ZNF454: variants seen among roughly 807,000 people sequenced by gnomAD.
ZNF454 encodes zinc finger protein 454.
In ZNF454, 30 loss-of-function variants were observed where a neutral mutation model predicts 48.2. The observed-to-expected ratio is 0.62, with a 90% CI of 0.47 to 0.84. The LOEUF is 0.84. ZNF454 is among the 40% of genes least tolerant of loss of function. ZNF454 has a pLI of 0.00. For missense variants in ZNF454, 510 were observed against 623.1 expected (o/e 0.82, Z 1.93); for synonymous variants, 204 against 211.4 (o/e 0.97, Z 0.30).
chr5:178,959,443 C>T lies in ZNF454; in HGVS notation c.251-5212C>T, dbSNP rs377306804. On this transcript the variant is annotated intron_variant, in intron 4 of 4. Transcript: ENST00000519564. ...TTATAATAAGCCTTACACTTGCTGA[C>T]GTAAATTCTCCAGTTTTGTCCTCTT... is the stretch of plus-strand genomic sequence containing the variant. Among the ~76,000 whole-genome samples, 12 of 152,286 alleles carry T rather than the reference C, an allele frequency of 7.9e-5. No individual in the cohort carries two copies. In the East Asian group the frequency reaches 1.4e-3, roughly 17 times the overall value.
At chr5:178,983,254 C>T in the ZNF454 span, 13 of 1,580,936 alleles carry the variant, frequency 8.2e-6, no homozygotes, top group East Asian at 2.2e-5. Context: ...AGACACAGCA[C>T]TTTCCAGGGA....
In ZNF454 at chr5:178,944,115, T is replaced by C. The variant is rs1161902706; in HGVS notation, c.33+1291T>C. The stretch of plus-strand genomic sequence containing the variant: ...ATACATTCTGATACATTTGGTTAAA[T>C]TGTTCTAATTCCTTCACATTTAAAC... On this transcript the variant is annotated intron_variant, in intron 2 of 4. Coordinates refer to ENST00000519564, the MANE Select transcript of ZNF454 (RefSeq NM_001178089.3). The surrounding 1 kb of genome is among the most constrained non-coding windows in gnomAD (Gnocchi z 4.1). 2.6e-5 allele frequency among the ~76,000 whole-genome samples: 4 copies of C among 152,216 alleles called. No individual in the cohort carries two copies. The highest frequency in any genetic ancestry group is 1.9e-4 in the East Asian group (1 of 5,202).
the ZNF454 span, chr5:178,981,705 G>A: frequency 1.2e-6 from 2 of 1,613,848 alleles, no homozygotes; most frequent in African/African-American, 2.7e-5. The surrounding 1 kb of genome is among the most constrained non-coding windows in gnomAD (Gnocchi z 5.1). Flanking sequence ...CTGCCACCGT[G>A]GAGGTGGCCT....
chr5:178,981,544 G>C, the ZNF454 span: 1 of 822,232 alleles, frequency 1.2e-6, no homozygotes, highest in Non-Finnish European at 2.0e-6. This position sits in a 1 kb window ranked among gnomAD's most constrained non-coding sequence, Gnocchi z 5.1. Flanking sequence ...CATGGTCTTG[G>C]CAAACTCCCT....
downstream of ZNF454, among the ~76,000 whole-genome samples, chr5:178,968,238 AG>A (rs1167788296): frequency 6.6e-6 from 1 of 152,124 alleles, no homozygotes; most frequent in African/African-American, 2.4e-5. Flanking sequence ...TGGGAGGCCA[AG>A]CAAATTTTTC....
chr5:178,951,610 T>C (rs966945338), intron 4 of ZNF454, among the ~76,000 whole-genome samples: 5 of 152,268 alleles, frequency 3.3e-5, no homozygotes, highest in Admixed American at 6.5e-5. Flanking sequence ...CACGTAGCTC[T>C]AGGTCATTTC....
chr5:178,961,073 G>A (rs1759997461), intron 4 of ZNF454, among the ~76,000 whole-genome samples: 1 of 151,024 alleles, frequency 6.6e-6, no homozygotes, highest in Admixed American at 6.6e-5. Flanking sequence ...TGGGATTACA[G>A]GTGCGTGCCA....
the ZNF454 span, among the ~76,000 whole-genome samples, chr5:178,974,963 C>T: frequency 6.6e-6 from 1 of 152,182 alleles, no homozygotes; most frequent in Non-Finnish European, 1.5e-5. Context: ...TTCTGCTCAC[C>T]TCTTCTCTCT....
chr5:178,981,796 A>G, the ZNF454 span: 1 of 1,612,420 alleles, frequency 6.2e-7, no homozygotes, highest in South Asian at 1.1e-5. This position sits in a 1 kb window ranked among gnomAD's most constrained non-coding sequence, Gnocchi z 5.1. Flanking sequence ...GAGCATGCCG[A>G]GGGACACCGA....
chr5:178,962,245 G>C (rs1687246875), intron 4 of ZNF454, among the ~76,000 whole-genome samples: 1 of 150,510 alleles, frequency 6.6e-6, no homozygotes, highest in Non-Finnish European at 1.5e-5. Flanking sequence ...GCCAGTCTTA[G>C]TTTTGCTTTT....
At chr5:178,967,750 T>TC (rs1468291548), downstream of ZNF454, among the ~76,000 whole-genome samples, 8 of 150,102 alleles carry the variant, frequency 5.3e-5, no homozygotes, top group Non-Finnish European at 1.0e-4. Flanking sequence ...TTCTTTTTTT[T>TC]TTTTTTTGAG....
In ZNF454 at chr5:178,951,624, A is replaced by T. The variant is rs111342155; in HGVS notation, c.250+4638A>T. On this transcript the variant is annotated intron_variant, in intron 4 of 4. Transcript: ENST00000519564. ...GCACGTAGCTCTAGGTCATTTCTGA[A>T]ATTGCACTTTTCCTTCAGTGATATA... is the stretch of plus-strand genomic sequence containing the variant. Among the ~76,000 whole-genome samples the T allele has an allele frequency of 3.1e-3, 466 of 152,270 alleles. 5 individuals carry two copies. Among genetic ancestry groups the T allele is most frequent in the Admixed American group, 4.6e-3 (71 of 15,290 alleles).
the ZNF454 span, chr5:178,986,868 C>A: frequency 2.5e-6 from 4 of 1,614,112 alleles, no homozygotes; most frequent in East Asian, 8.9e-5. Flanking sequence ...CCCACTGGCC[C>A]ACTGCCTGGT....
At position 178,966,025 on chromosome 5, in the gene ZNF454, G is replaced by C. The variant is rs547348527; in HGVS notation, c.*52G>C. On this transcript the variant is annotated 3_prime_UTR_variant, in exon 5 of 5. Transcript: ENST00000519564. ...TTTGAGACTGAGTAGATGAATTATT[G>C]AATGTGAGATAATCCGTTCTAGAGA... 3.0e-6 allele frequency: 4 copies of C among 1,349,554 alleles called. No individual in the cohort carries two copies. The East Asian group carries it at 6.9e-5, about 23-fold the overall frequency. 83.6% of individuals were successfully genotyped at this position (1,349,554 alleles called of 1,614,324 possible). A position where few individuals can be genotyped will look rare whatever the true frequency, so the allele number is the denominator to read the frequency against.
At chr5:178,983,346 T>A in the ZNF454 span, 3 of 838,624 alleles carry the variant, frequency 3.6e-6, no homozygotes, top group Non-Finnish European at 5.9e-6. Context: ...ATGCTCCACC[T>A]CTTCGTGGTG....
In ZNF454 at chr5:178,964,872, G is replaced by A. The variant is rs771424891; in HGVS notation, c.468G>A (p.Gly156=). Reference sequence around the variant, plus strand: ...CATCACAGGAATGTGATGAATCCGGGAGCACTATGAGCTCATCTCTTCACA... The same window carrying A: ...CATCACAGGAATGTGATGAATCCGGAAGCACTATGAGCTCATCTCTTCACA... ...NTPSQECDES[G]STMSSSLHSD... Residue 156 remains glycine, a synonymous_variant, in exon 5 of 5, where the codon GGG becomes GGA. Coordinates refer to ENST00000519564, the MANE Select transcript of ZNF454 (RefSeq NM_001178089.3). 3.7e-6 allele frequency: 6 copies of A among 1,614,212 alleles called. No individual in the cohort carries two copies. Among genetic ancestry groups the A allele is most frequent in the Non-Finnish European group, 5.1e-6 (6 of 1,180,046 alleles).
chr5:178,966,304 G>C lies in ZNF454; in HGVS notation c.*331G>C, dbSNP rs1431366780. The C allele has an allele frequency of 5.9e-6, 1 of 168,762 alleles. No individual in the cohort carries two copies. The highest frequency in any genetic ancestry group is 2.4e-5 in the African/African-American group (1 of 41,834). 10.5% of individuals were successfully genotyped at this position (168,762 alleles called of 1,614,324 possible). A position where few individuals can be genotyped will look rare whatever the true frequency, so the allele number is the denominator to read the frequency against. On this transcript the variant is annotated 3_prime_UTR_variant, in exon 5 of 5. Coordinates refer to ENST00000519564, the MANE Select transcript of ZNF454 (RefSeq NM_001178089.3). ...AAAAAATTACCCGGGCATGGTGGTG[G>C]GCGCCTGTAGTCCCAGCTACTCGGG...
At position 178,944,646 on chromosome 5, in the gene ZNF454, T is replaced by C. The variant is rs1759241181; in HGVS notation, c.34-1713T>C. 6.6e-6 allele frequency among the ~76,000 whole-genome samples: 1 copy of C among 152,138 alleles called. No homozygotes were observed. Among genetic ancestry groups the C allele is most frequent in the African/African-American group, 2.4e-5 (1 of 41,440 alleles). On this transcript the variant is annotated intron_variant, in intron 2 of 4. Transcript: ENST00000519564. The surrounding 1 kb of genome is among the most constrained non-coding windows in gnomAD (Gnocchi z 4.1). ...GGCACTGACTGGAAAGATATGGAGG[T>C]GTTCCCCCAAATGCAAAGGCAAAGA... is the stretch of plus-strand genomic sequence containing the variant.
At chr5:178,984,179 G>GAA in the ZNF454 span, among the ~76,000 whole-genome samples, 1 of 147,724 alleles carries the variant, frequency 6.8e-6, no homozygotes, top group East Asian at 2.0e-4. Flanking sequence ...GCTCCAGGTG[G>GAA]AAAAAAAAAA....
Sources: allele counts gnomAD v4.1 joint callset (sites outside exome capture counted in the v4.1 genomes callset), GRCh38; gene constraint gnomAD v4.1.1; non-coding constraint Gnocchi (gnomAD v3.1); transcripts MANE v1.5; gene names NCBI Gene and HGNC (gene_info 2026-07-23, HGNC 2026-07-21).